The following BLTP1 variants were observed in gnomAD, a reference collection of about 807,000 sequenced individuals.
BLTP1 encodes bridge-like lipid transfer protein family member 1.
chr4:122,308,293 T>TTGAA, the BLTP1 span: 1 of 963,580 alleles, frequency 1.0e-6, no homozygotes, highest in Non-Finnish European at 1.5e-6. Flanking sequence ...GCAAGTAAGA[T>TTGAA]TGAATTCCTT....
At chr4:122,255,326 C>G in the BLTP1 span, 1 of 1,346,746 alleles carries the variant, frequency 7.4e-7, no homozygotes, top group Non-Finnish European at 1.1e-6. Flanking sequence ...ATTCTCTATT[C>G]TGTTGGTGGA....
chr4:122,206,464 A>G, the BLTP1 span, among the ~76,000 whole-genome samples: 3 of 152,050 alleles, frequency 2.0e-5, no homozygotes, highest in Middle Eastern at 3.4e-3. Context: ...GCAATTTATA[A>G]TAGTCTTGAA....
the BLTP1 span, chr4:122,271,556 G>T: frequency 6.2e-7 from 1 of 1,613,428 alleles, no homozygotes; most frequent in South Asian, 1.1e-5. Context: ...AGATGTGGTG[G>T]ATCACATGAC....
the BLTP1 span, chr4:122,314,213 A>C: frequency 1.5e-6 from 1 of 672,156 alleles, no homozygotes; most frequent in Non-Finnish European, 1.8e-6. Flanking sequence ...GGCAGAGAGA[A>C]TAATGTAACA....
chr4:122,272,543 T>A, the BLTP1 span: 2 of 644,050 alleles, frequency 3.1e-6, no homozygotes, highest in Non-Finnish European at 2.6e-6. Flanking sequence ...CTTCCCAAAT[T>A]CTGAGGTACC....
the BLTP1 span, chr4:122,162,585 G>A: frequency 1.0e-6 from 1 of 985,352 alleles, no homozygotes; most frequent in Non-Finnish European, 1.2e-6. Context: ...GGGTCAAGCT[G>A]TGGTGACGAA....
the BLTP1 span, chr4:122,274,572 A>G: frequency 7.3e-7 from 1 of 1,368,402 alleles, no homozygotes; most frequent in Non-Finnish European, 9.4e-7. Flanking sequence ...GTCGTTAAGA[A>G]TATCACCAAA....
At chr4:122,314,088 G>A in the BLTP1 span, 1 of 979,880 alleles carries the variant, frequency 1.0e-6, no homozygotes, top group Non-Finnish European at 1.2e-6. Context: ...AAATATGGGA[G>A]AATACTGGGA....
the BLTP1 span, chr4:122,277,460 A>G: frequency 6.1e-6 from 6 of 983,740 alleles, no homozygotes; most frequent in Non-Finnish European, 7.2e-6. Context: ...GGTAGAAGTC[A>G]TTCTTTTGCT....
At chr4:122,266,934 A>G in the BLTP1 span, 11 of 1,592,730 alleles carry the variant, frequency 6.9e-6, no homozygotes, top group Non-Finnish European at 8.5e-6. Context: ...ACAGCCAAAG[A>G]GAGAAAAGGC....
the BLTP1 span, chr4:122,298,606 C>A: frequency 1.5e-6 from 1 of 665,942 alleles, no homozygotes; most frequent in South Asian, 7.0e-5. Context: ...AGGTGATAAG[C>A]AAATTACAAA....
chr4:122,276,368 AAG>A, the BLTP1 span: 64 of 810,130 alleles, frequency 7.9e-5, no homozygotes, highest in Middle Eastern at 6.1e-4. Context: ...CTTTGCAAGA[AAG>A]AGTTTTCACT....
At chr4:122,309,771 GA>G in the BLTP1 span, among the ~76,000 whole-genome samples, 2 of 151,476 alleles carry the variant, frequency 1.3e-5, no homozygotes, top group African/African-American at 4.9e-5. Context: ...TCGGAATCTT[GA>G]AAAAAAATGA....
chr4:122,336,615 G>A, the BLTP1 span: 2 of 976,282 alleles, frequency 2.0e-6, no homozygotes, highest in African/African-American at 3.5e-5. Flanking sequence ...TCCTTAGTGT[G>A]TCCCTTGGAC....
chr4:122,246,638 G>A, the BLTP1 span: 2 of 1,581,752 alleles, frequency 1.3e-6, no homozygotes, highest in Non-Finnish European at 1.7e-6. Context: ...ATGTTTAAGT[G>A]GTAATTTTTC....
At chr4:122,225,363 T>A in the BLTP1 span, 1 of 152,244 alleles carries the variant, frequency 6.6e-6, no homozygotes, top group Non-Finnish European at 1.5e-5. Context: ...TGAAGTTTAG[T>A]TGAATTGCCG....
the BLTP1 span, among the ~76,000 whole-genome samples, chr4:122,195,431 A>AT: frequency 0.25 from 37,577 of 148,020 alleles, 5,507 homozygotes; most frequent in Middle Eastern, 0.49. Context: ...ATTGTCTGGC[A>AT]TTTTTTTTTT....
At chr4:122,277,975 A>T in the BLTP1 span, among the ~76,000 whole-genome samples, 1 of 152,152 alleles carries the variant, frequency 6.6e-6, no homozygotes, top group East Asian at 1.9e-4. Context: ...ACATGTGAGA[A>T]TATACTTATT....
the BLTP1 span, among the ~76,000 whole-genome samples, chr4:122,317,284 AT>A: frequency 1.3e-5 from 2 of 151,624 alleles, no homozygotes; most frequent in East Asian, 3.9e-4. Context: ...GTGAGCCAAG[AT>A]TGCGCCATTG....
Sources: allele counts gnomAD v4.1 joint callset (sites outside exome capture counted in the v4.1 genomes callset), GRCh38; gene constraint gnomAD v4.1.1; transcripts MANE v1.5; gene names NCBI Gene and HGNC (gene_info 2026-07-23, HGNC 2026-07-21).